CNTF: variants seen among roughly 807,000 people sequenced by gnomAD.
CNTF encodes the protein ciliary neurotrophic factor.
A neutral mutation model predicts 13.0 loss-of-function variants in CNTF; 14 were observed. The ratio of observed to expected loss-of-function variants is 1.07; its 90% CI spans 0.71 to 1.68. CNTF has a LOEUF of 1.68. Ranked by LOEUF, CNTF falls within the 40% of genes most tolerant of loss-of-function variation. The probability of loss-of-function intolerance (pLI) is 0.00; values close to 1 mark genes in which losing one functional copy is unlikely to be tolerated. For missense variants in CNTF, 283 were observed against 252.5 expected (o/e 1.12, Z -0.82); for synonymous variants, 98 against 92.4 (o/e 1.06, Z -0.35).
rs1343499702 is a variant in CNTF at position 58,624,702 on chromosome 11, T to C, written c.*180T>C. On this transcript the variant is annotated 3_prime_UTR_variant, in exon 2 of 2. Coordinates refer to ENST00000361987, the MANE Select transcript of CNTF (RefSeq NM_000614.4). ...TACAGGTATTTTCATCAAGTAGCGT[T>C]GGAGACATACACAAATGGGCATACA... The C allele has an allele frequency of 1.5e-6, 1 of 665,756 alleles. No homozygotes were observed. The highest frequency in any genetic ancestry group is 2.5e-6 in the Non-Finnish European group (1 of 400,988). 41.2% of individuals were successfully genotyped at this position (665,756 alleles called of 1,614,324 possible). A position where few individuals can be genotyped will look rare whatever the true frequency, so the allele number is the denominator to read the frequency against.
In CNTF at chr11:58,624,800, C is replaced by G. The variant is rs775706851; in HGVS notation, c.*278C>G. The G allele has an allele frequency of 2.7e-5, 11 of 402,508 alleles. No individual in the cohort carries two copies. Among genetic ancestry groups the G allele is most frequent in the Non-Finnish European group, 4.6e-5 (10 of 216,892 alleles). The allele number at this position is 402,508 out of a possible 1,614,324, so 24.9% of individuals were successfully genotyped here. A position where few individuals can be genotyped will look rare whatever the true frequency, so the allele number is the denominator to read the frequency against. On this transcript the variant is annotated 3_prime_UTR_variant, in exon 2 of 2. Coordinates refer to ENST00000361987, the MANE Select transcript of CNTF (RefSeq NM_000614.4). ...AGGTGTAAGAGAGTGGGAGCAGGGA[C>G]AACGTCCTTCCACTTCAGGGTTCTA...
chr11:58,624,326 G>T lies in CNTF; in HGVS notation c.407G>T (p.Arg136Leu), dbSNP rs575416876. ...LMILLEYKIPRNEADGMPINV... is the reference protein window; with the variant it reads ...LMILLEYKIPLNEADGMPINV... ...ATACTCCTGGAATACAAGATCCCCC[G>T]CAATGAGGCTGATGGGATGCCTATT... is the stretch of plus-strand genomic sequence containing the variant. Residue 136 changes from arginine (R) to leucine (L), a missense_variant, in exon 2 of 2, where the codon CGC (arginine) becomes CTC (leucine). Coordinates refer to ENST00000361987, the MANE Select transcript of CNTF (RefSeq NM_000614.4). The T allele has an allele frequency of 6.2e-7, 1 of 1,613,664 alleles. No individual in the cohort carries two copies.
At chr11:58,623,855 C>CT (rs1490006256) in intron 1 of CNTF, among the ~76,000 whole-genome samples, 179 bp from the exon 2 acceptor site, 1 of 152,222 alleles carries the variant, frequency 6.6e-6, no homozygotes, top group East Asian at 1.9e-4. Flanking sequence ...AGTATTGGGT[C>CT]TTTCTAAAGT....
chr11:58,622,716 C>T lies in CNTF; in HGVS notation c.-37C>T. The stretch of plus-strand genomic sequence containing the variant: ...TGGACCAGTATAGACAGAAGTAAAC[C>T]CAGCTGACTTGTTTCCTGGGACAGT... On this transcript the variant is annotated 5_prime_UTR_variant, in exon 1 of 2. Coordinates refer to ENST00000361987, the MANE Select transcript of CNTF (RefSeq NM_000614.4). The T allele has an allele frequency of 6.7e-7, 1 of 1,481,700 alleles. No homozygotes were observed. Among genetic ancestry groups the T allele is most frequent in the Non-Finnish European group, 9.4e-7 (1 of 1,060,756 alleles). The allele number at this position is 1,481,700 out of a possible 1,614,324, so 91.8% of individuals were successfully genotyped here. A position where few individuals can be genotyped will look rare whatever the true frequency, so the allele number is the denominator to read the frequency against.
chr11:58,624,264 A>C lies in CNTF; in HGVS notation c.345A>C (p.Gln115His). The part of the protein sequence containing the change: ...FHQAIHTLLL[Q>H]VAAFAYQIEE... ...AAGCTATACATACCCTTCTTCTCCA[A>C]GTCGCTGCCTTTGCATACCAGATAG... Residue 115 changes from glutamine (Q) to histidine (H), a missense_variant, in exon 2 of 2, where the codon CAA (glutamine) becomes CAC (histidine). Physicochemically the swap from Gln to His is conservative, Grantham distance 24. Transcript: ENST00000361987. 3.1e-6 allele frequency: 5 copies of C among 1,613,982 alleles called. No individual in the cohort carries two copies. The highest frequency in any genetic ancestry group is 4.2e-6 in the Non-Finnish European group (5 of 1,179,986).
In CNTF at chr11:58,624,107, A is replaced by G. The variant is rs950201643; in HGVS notation, c.188A>G (p.Gln63Arg). The stretch of plus-strand genomic sequence containing the variant: ...GGGATGCCAGTGGCAAGCACTGATC[A>G]GTGGAGTGAGCTGACCGAGGCAGAG... ...ADGMPVASTDQWSELTEAERL... is the reference protein window; with the variant it reads ...ADGMPVASTDRWSELTEAERL... Residue 63 changes from glutamine (Q) to arginine (R), a missense_variant, in exon 2 of 2, where the codon CAG becomes CGG. By Grantham distance (43) the Gln-to-Arg change is conservative. Coordinates refer to ENST00000361987, the MANE Select transcript of CNTF (RefSeq NM_000614.4). The G allele has an allele frequency of 1.5e-5, 24 of 1,612,390 alleles. 1 individual carries two copies. The Middle Eastern group carries it at 3.5e-3, about 233-fold the overall frequency.
At position 58,625,437 on chromosome 11, in the gene CNTF, A is replaced by G. The variant is rs529577873; in HGVS notation, c.*915A>G. The stretch of plus-strand genomic sequence containing the variant: ...ATGATTAGGCCCGCCAAACTTCTGA[A>G]CTTTGGAAGCTGGGGATGTTTAGTA... On this transcript the variant is annotated 3_prime_UTR_variant, in exon 2 of 2. Transcript: ENST00000361987. 12 of 152,274 alleles carry G rather than the reference A, an allele frequency of 7.9e-5. No individual in the cohort carries two copies. In the South Asian group the frequency reaches 2.5e-3, roughly 32 times the overall value. The allele number at this position is 152,274 out of a possible 1,614,324, so 9.4% of individuals were successfully genotyped here. A position where few individuals can be genotyped will look rare whatever the true frequency, so the allele number is the denominator to read the frequency against.
chr11:58,623,905 A>G (rs1309726906), intron 1 of CNTF, 129 bp from the exon 2 acceptor site: 3 of 1,272,220 alleles, frequency 2.4e-6, no homozygotes, highest in East Asian at 2.3e-5. Flanking sequence ...TACTGTAGAC[A>G]TATTATTTAC....
At position 58,624,138 on chromosome 11, in the gene CNTF, C is replaced by T. The variant is rs141610986; in HGVS notation, c.219C>T (p.Leu73=). 7.4e-6 allele frequency: 12 copies of T among 1,613,694 alleles called. No homozygotes were observed. In the East Asian group the frequency reaches 2.5e-4, roughly 33 times the overall value. The change falls in exon 2 of 2, where the codon CTC becomes CTT. Residue 73 remains leucine (L), a synonymous_variant. Transcript: ENST00000361987. ...GTGAGCTGACCGAGGCAGAGCGACT[C>T]CAAGAGAACCTTCAAGCTTATCGTA... The part of the protein sequence containing the change: ...QWSELTEAER[L]QENLQAYRTF...
Position 58,622,668 on chromosome 11 carries a change from C to CT in CNTF, c.-82dup. The CT allele has an allele frequency of 9.9e-7, 1 of 1,010,148 alleles. No homozygotes were observed. Among genetic ancestry groups the CT allele is most frequent in the Non-Finnish European group, 1.5e-6 (1 of 646,058 alleles). 62.6% of individuals were successfully genotyped at this position (1,010,148 alleles called of 1,614,324 possible). On this transcript the variant is annotated 5_prime_UTR_variant, in exon 1 of 2. Coordinates refer to ENST00000361987, the MANE Select transcript of CNTF (RefSeq NM_000614.4). Reference sequence around the variant, plus strand: ...GTAGAGAATGCCCAGTGGGTTTAGTCTTTGAGAGTCACATCTCTTATTTGG... The same window carrying CT: ...GTAGAGAATGCCCAGTGGGTTTAGTCTTTTGAGAGTCACATCTCTTATTTGG...
At chr11:58,623,648 A>G (rs1855885032) in intron 1 of CNTF, among the ~76,000 whole-genome samples, 3 of 152,246 alleles carry the variant, frequency 2.0e-5, no homozygotes, top group Non-Finnish European at 4.4e-5. Context: ...CAATGGCTAT[A>G]TTCCAAGTTT....
chr11:58,624,566 T>C lies in CNTF; in HGVS notation c.*44T>C. ...TTCCTTGCTTTCTCTTCTAATGGAA[T>C]ATGCGTAGTTCCCTGGGGCCTCGCT... On this transcript the variant is annotated 3_prime_UTR_variant, in exon 2 of 2. Coordinates refer to ENST00000361987, the MANE Select transcript of CNTF (RefSeq NM_000614.4). 1 of 1,605,522 alleles carries C rather than the reference T, an allele frequency of 6.2e-7. No homozygotes were observed. Among genetic ancestry groups the C allele is most frequent in the Non-Finnish European group, 8.5e-7 (1 of 1,177,348 alleles).
At position 58,624,962 on chromosome 11, in the gene CNTF, C is replaced by T. The variant is rs1855910551; in HGVS notation, c.*440C>T. ...AATCAGACTCTTTAGTTGATTTAAA[C>T]TCTTAGAGAATAAGAATAATAATGG... On this transcript the variant is annotated 3_prime_UTR_variant, in exon 2 of 2. Coordinates refer to ENST00000361987, the MANE Select transcript of CNTF (RefSeq NM_000614.4). The T allele has an allele frequency of 5.6e-6, 1 of 178,554 alleles. No homozygotes were observed. Among genetic ancestry groups the T allele is most frequent in the South Asian group, 1.2e-4 (1 of 8,040 alleles). The allele number at this position is 178,554 out of a possible 1,614,324, so 11.1% of individuals were successfully genotyped here.
rs369596489 is a variant in CNTF, at chr11:58,622,731, C to A, written c.-22C>A. 6.3e-7 allele frequency: 1 copy of A among 1,580,594 alleles called. No homozygotes were observed. The highest frequency in any genetic ancestry group is 1.3e-5 in the African/African-American group (1 of 74,212). On this transcript the variant is annotated 5_prime_UTR_variant, in exon 1 of 2. Coordinates refer to ENST00000361987, the MANE Select transcript of CNTF (RefSeq NM_000614.4). ...AGAAGTAAACCCAGCTGACTTGTTT[C>A]CTGGGACAGTTGAGTTAAGGGATGG...
At position 58,624,710 on chromosome 11, in the gene CNTF, T is replaced by C; in HGVS notation, c.*188T>C. 1 of 626,856 alleles carries C rather than the reference T, an allele frequency of 1.6e-6. No homozygotes were observed. The highest frequency in any genetic ancestry group is 1.9e-5 in the South Asian group (1 of 51,440). 38.8% of individuals were successfully genotyped at this position (626,856 alleles called of 1,614,324 possible). On this transcript the variant is annotated 3_prime_UTR_variant, in exon 2 of 2. Coordinates refer to ENST00000361987, the MANE Select transcript of CNTF (RefSeq NM_000614.4). ...TTTTCATCAAGTAGCGTTGGAGACA[T>C]ACACAAATGGGCATACAAGTTTAGC...
rs747021858 is a variant in CNTF at position 58,624,323 on chromosome 11, C to T, written c.404C>T (p.Pro135Leu). The change falls in exon 2 of 2, where the codon CCC becomes CTC. Residue 135 changes from proline to leucine, a missense_variant. Coordinates refer to ENST00000361987, the MANE Select transcript of CNTF (RefSeq NM_000614.4). ...ATGATACTCCTGGAATACAAGATCC[C>T]CCGCAATGAGGCTGATGGGATGCCT... ...ELMILLEYKI[P>L]RNEADGMPIN... 9 of 1,613,600 alleles carry T rather than the reference C, an allele frequency of 5.6e-6. No individual in the cohort carries two copies. Among genetic ancestry groups the T allele is most frequent in the East Asian group, 2.2e-5 (1 of 44,884 alleles).
rs776884845 is a variant in CNTF at position 58,622,832 on chromosome 11, T to C, written c.80T>C (p.Ile27Thr). ...CGCTCTATCTGGCTAGCAAGGAAGA[T>C]TCGTTCAGACCTGACTGCTCTTACG... is the stretch of plus-strand genomic sequence containing the variant. ...CSRSIWLARK[I>T]RSDLTALTES... is the part of the protein sequence containing the mutation. The change falls in exon 1 of 2, where the codon ATT becomes ACT. Residue 27 changes from isoleucine (I) to threonine (T), a missense_variant. Ile to Thr is a moderately conservative substitution (Grantham distance 89). Transcript: ENST00000361987. 3 of 1,614,010 alleles carry C rather than the reference T, an allele frequency of 1.9e-6. No homozygotes were observed. The highest frequency in any genetic ancestry group is 1.7e-6 in the Non-Finnish European group (2 of 1,179,932).
chr11:58,624,550 T>C lies in CNTF; in HGVS notation c.*28T>C. 4 of 1,610,946 alleles carry C rather than the reference T, an allele frequency of 2.5e-6. No individual in the cohort carries two copies. The highest frequency in any genetic ancestry group is 3.4e-6 in the Non-Finnish European group (4 of 1,179,746). ...GTTAGTCCCTTCTCTCTTCCTTGCT[T>C]TCTCTTCTAATGGAATATGCGTAGT... On this transcript the variant is annotated 3_prime_UTR_variant, in exon 2 of 2. Coordinates refer to ENST00000361987, the MANE Select transcript of CNTF (RefSeq NM_000614.4).
Position 58,624,099 on chromosome 11 carries a change from C to T in CNTF, c.180C>T (p.Ser60=), listed in dbSNP as rs1161854713. The T allele has an allele frequency of 6.2e-7, 1 of 1,611,952 alleles. No homozygotes were observed. Among genetic ancestry groups the T allele is most frequent in the South Asian group, 1.1e-5 (1 of 90,716 alleles). Residue 60 remains serine, a synonymous_variant, in exon 2 of 2, where the codon AGC becomes AGT. Coordinates refer to ENST00000361987, the MANE Select transcript of CNTF (RefSeq NM_000614.4). ...CTGCGGATGGGATGCCAGTGGCAAGCACTGATCAGTGGAGTGAGCTGACCG... is the reference window on the plus strand; with the variant it reads ...CTGCGGATGGGATGCCAGTGGCAAGTACTGATCAGTGGAGTGAGCTGACCG... ...LDSADGMPVA[S]TDQWSELTEA...
Sources: gnomAD v4.1 joint callset for allele counts (sites outside exome capture counted in the v4.1 genomes callset) on GRCh38, gnomAD v4.1.1 for gene constraint, MANE v1.5 for transcripts, NCBI Gene and HGNC (gene_info 2026-07-23, HGNC 2026-07-21) for gene names.